The following SLCO1B1 variants were observed in gnomAD, a reference collection of about 807,000 sequenced individuals.
The protein encoded by SLCO1B1 is OATP-2.
A neutral mutation model predicts 70.1 loss-of-function variants in SLCO1B1; 81 were observed. The observed-to-expected ratio is 1.16, with a 90% confidence interval of 0.97 to 1.39. The LOEUF (loss-of-function observed/expected upper bound fraction) is 1.39, where lower values mean the gene tolerates loss of function less well. Among genes scored for constraint, SLCO1B1 ranks in the 40% most tolerant of loss-of-function variants. The pLI is 0.00. For synonymous variants in SLCO1B1, 283 were observed against 271.5 expected, an observed-to-expected ratio of 1.04 and a Z score of -0.42; for missense variants, 895 against 799.6, an observed-to-expected ratio of 1.12 and a Z score of -1.44.
rs968080495 is a variant in SLCO1B1, at chr12:21,168,820, C to T, written c.85-3830C>T. ...TATATTATTTGCATTTATTCTGTGC[C>T]ATTCCATAGGTTATCTTTTCACCTG... On this transcript the variant is annotated intron_variant, in intron 2 of 14. Transcript: ENST00000256958. Among the ~76,000 whole-genome samples the T allele has an allele frequency of 3.9e-5, 6 of 152,074 alleles. No homozygotes were observed. In the East Asian group the frequency reaches 9.6e-4, roughly 24 times the overall value.
At chr12:21,220,980 A>T (rs928124437) in intron 12 of SLCO1B1, among the ~76,000 whole-genome samples, 1 of 152,200 alleles carries the variant, frequency 6.6e-6, no homozygotes, top group African/African-American at 2.4e-5. Flanking sequence ...GGTTCAACAT[A>T]TATAAATCAA....
chr12:21,204,147 T>A (rs1171706301), intron 10 of SLCO1B1, among the ~76,000 whole-genome samples: 5 of 152,022 alleles, frequency 3.3e-5, no homozygotes, highest in Non-Finnish European at 5.9e-5. Context: ...AGTTTTTTTT[T>A]AAGTATGAAT....
intron 2 of SLCO1B1, among the ~76,000 whole-genome samples, chr12:21,154,211 A>G (rs1203792428): frequency 6.6e-6 from 1 of 151,986 alleles, no homozygotes; most frequent in African/African-American, 2.4e-5. Flanking sequence ...TTTCCCCCCA[A>G]ATTTGTATGT....
At chr12:21,205,207 A>C (rs1264938895) in intron 10 of SLCO1B1, among the ~76,000 whole-genome samples, 1 of 151,916 alleles carries the variant, frequency 6.6e-6, no homozygotes, top group Non-Finnish European at 1.5e-5. Context: ...TACAAAAAAT[A>C]TATTTTATAA....
chr12:21,199,247 A>T (rs936602183), intron 8 of SLCO1B1, among the ~76,000 whole-genome samples: 3 of 152,158 alleles, frequency 2.0e-5, no homozygotes, highest in Admixed American at 2.0e-4. Context: ...AGTCCGTATC[A>T]TCCAACTCTC....
intron 10 of SLCO1B1, 87 bp from the exon 11 acceptor site, chr12:21,205,781 T>C: frequency 1.0e-6 from 1 of 1,004,028 alleles, no homozygotes; most frequent in Non-Finnish European, 1.5e-6. Context: ...TTTCTCTGCT[T>C]TCACTTTACT....
At chr12:21,229,874 C>T (rs751754448) in intron 14 of SLCO1B1, among the ~76,000 whole-genome samples, 15 of 152,096 alleles carry the variant, frequency 9.9e-5, no homozygotes, top group Non-Finnish European at 2.1e-4. Flanking sequence ...TTAAAAATTA[C>T]ATTAATTACG....
chr12:21,222,372 G>GGAAAAAAAAAAAA lies in SLCO1B1; in HGVS notation c.1747+8_1747+9insGAAAAAAAAAAAA. ...TGGTTATACGAGCACTAGGTATGAT[G>GGAAAAAAAAAAAA]AAAAAAAAAAAAAAAAAAAAAAAAA... On this transcript the variant is annotated intron_variant, in intron 13 of 14. Transcript: ENST00000256958. 4.1e-5 allele frequency: 1 copy of GGAAAAAAAAAAAA among 24,436 alleles called. No individual in the cohort carries two copies. Among genetic ancestry groups the GGAAAAAAAAAAAA allele is most frequent in the Non-Finnish European group, 6.9e-5 (1 of 14,508 alleles). 1.5% of individuals were successfully genotyped at this position (24,436 alleles called of 1,614,324 possible).
intron 2 of SLCO1B1, among the ~76,000 whole-genome samples, chr12:21,152,766 G>C (rs1453979406): frequency 6.6e-6 from 1 of 151,784 alleles, no homozygotes; most frequent in African/African-American, 2.4e-5. Context: ...TCTGCCTAAG[G>C]GCAAGCACTA....
intron 2 of SLCO1B1, among the ~76,000 whole-genome samples, chr12:21,163,117 A>T (rs1432789113): frequency 6.6e-6 from 1 of 152,192 alleles, no homozygotes; most frequent in Non-Finnish European, 1.5e-5. Context: ...TATACACAAT[A>T]CCTGTCCAGA....
intron 1 of SLCO1B1, among the ~76,000 whole-genome samples, chr12:21,140,224 T>A (rs1487392701): frequency 6.6e-6 from 1 of 152,080 alleles, no homozygotes; most frequent in African/African-American, 2.4e-5. Context: ...GTATCAACTG[T>A]ACATATAATA....
In SLCO1B1 at chr12:21,134,784, G is replaced by T. The variant is rs191623317; in HGVS notation, c.-62+3548G>T. ...TTTTGTTGATGCTTTCAAAAAACCA[G>T]CTCCTGGATTCATTAATTTTTTGAA... is the stretch of plus-strand genomic sequence containing the variant. On this transcript the variant is annotated intron_variant, in intron 1 of 14. Coordinates refer to ENST00000256958, the MANE Select transcript of SLCO1B1 (RefSeq NM_006446.5). 9.9e-5 allele frequency among the ~76,000 whole-genome samples: 15 copies of T among 152,246 alleles called. No individual in the cohort carries two copies. The East Asian group carries it at 2.9e-3, about 29-fold the overall frequency.
intron 1 of SLCO1B1, among the ~76,000 whole-genome samples, chr12:21,134,122 T>C (rs915790944): frequency 2.6e-5 from 4 of 152,254 alleles, no homozygotes; most frequent in Admixed American, 2.0e-4. Context: ...TCTGTTTATA[T>C]GCTGGATTAC....
chr12:21,219,963 G>A (rs1456037731), intron 12 of SLCO1B1, among the ~76,000 whole-genome samples: 3 of 152,098 alleles, frequency 2.0e-5, no homozygotes, highest in East Asian at 1.9e-4. Flanking sequence ...GTTTTACCAC[G>A]TTGGCCAGGC....
chr12:21,173,611 A>G (rs1940781151), intron 3 of SLCO1B1, among the ~76,000 whole-genome samples: 1 of 135,396 alleles, frequency 7.4e-6, no homozygotes, highest in African/African-American at 3.0e-5. Context: ...TAAAGGTACT[A>G]AATTTTTTAT....
chr12:21,189,928 G>A (rs1258925723), intron 7 of SLCO1B1, among the ~76,000 whole-genome samples: 1 of 152,152 alleles, frequency 6.6e-6, no homozygotes, highest in Admixed American at 6.5e-5. Context: ...GTTAAGAATA[G>A]TCACCCTGCT....
intron 6 of SLCO1B1, 40 bp downstream of exon 6, chr12:21,178,762 C>G: frequency 6.4e-7 from 1 of 1,553,840 alleles, no homozygotes; most frequent in Non-Finnish European, 8.9e-7. Flanking sequence ...ATCACTTTCC[C>G]TTTGTCTACT....
chr12:21,158,179 A>G (rs965306063), intron 2 of SLCO1B1, among the ~76,000 whole-genome samples: 6 of 152,210 alleles, frequency 3.9e-5, no homozygotes, highest in Non-Finnish European at 7.3e-5. Context: ...TGTTCGTTTT[A>G]TCCAACTTCT....
intron 14 of SLCO1B1, among the ~76,000 whole-genome samples, chr12:21,225,683 G>A (rs1485101783): frequency 6.6e-6 from 1 of 152,088 alleles, no homozygotes; most frequent in Non-Finnish European, 1.5e-5. Flanking sequence ...CACAGACACA[G>A]GCAAATATCC....
Sources: allele counts gnomAD v4.1 joint callset (sites outside exome capture counted in the v4.1 genomes callset), GRCh38; gene constraint gnomAD v4.1.1; transcripts MANE v1.5; gene names NCBI Gene and HGNC (gene_info 2026-07-23, HGNC 2026-07-21).